GNL3: variants seen among roughly 807,000 people sequenced by gnomAD.
The protein encoded by GNL3 is G protein nucleolar 3.
Under a neutral mutation model 70.6 loss-of-function variants are expected in GNL3, and 77 were observed. The observed-to-expected ratio is 1.09, with a 90% CI of 0.91 to 1.32. The LOEUF is 1.32. Among genes scored for constraint, GNL3 ranks in the 40% most tolerant of loss-of-function variants. The probability of loss-of-function intolerance (pLI) is 0.00; values close to 1 mark genes in which losing one functional copy is unlikely to be tolerated. For missense variants in GNL3, 634 were observed against 644.0 expected (o/e 0.98, Z 0.17); for synonymous variants, 252 against 216.1 (o/e 1.17, Z -1.46).
chr3:52,691,948 G>A (rs1032584805), intron 9 of GNL3, among the ~76,000 whole-genome samples: 5 of 152,026 alleles, frequency 3.3e-5, no homozygotes, highest in Admixed American at 6.6e-5. Flanking sequence ...TGATCTGCCC[G>A]CCTCGGCCTC....
At chr3:52,692,842 C>G in intron 9 of GNL3, 30 bp from the exon 10 acceptor site, 1 of 1,572,840 alleles carries the variant, frequency 6.4e-7, no homozygotes, top group South Asian at 1.1e-5. Context: ...TAGACCAATG[C>G]CCCCATCAAT....
At position 52,693,798 on chromosome 3, in the gene GNL3, A is replaced by T. The variant is rs758944452; in HGVS notation, c.1491A>T (p.Glu497Asp). 2 of 1,613,246 alleles carry T rather than the reference A, an allele frequency of 1.2e-6. No individual in the cohort carries two copies. Among genetic ancestry groups the T allele is most frequent in the South Asian group, 1.1e-5 (1 of 91,044 alleles). Residue 497 changes from glutamate to aspartate, a missense_variant, in exon 13 of 15, where the codon GAA becomes GAT. Physicochemically the swap from Glu to Asp is conservative, Grantham distance 45. Coordinates refer to ENST00000418458, the MANE Select transcript of GNL3 (RefSeq NM_014366.5). ...ACAGTGACCAGGAAACTGTTGATGA[A>T]GAAGTTGATGTAAGTGTGTCCTCCA... is the stretch of plus-strand genomic sequence containing the variant. ...DKDSDQETVDEEVDENSSGMF... is the reference protein window; with the variant it reads ...DKDSDQETVDDEVDENSSGMF...
chr3:52,692,889 C>T lies in GNL3; in HGVS notation c.887C>T (p.Pro296Leu), dbSNP rs763216762. 1 of 1,612,678 alleles carries T rather than the reference C, an allele frequency of 6.2e-7. No homozygotes were observed. The highest frequency in any genetic ancestry group is 1.7e-5 in the Admixed American group (1 of 60,024). ...TCTTTCAGGAGCATGCAAGTTGTCCCCTTGGACAAACAGATCACAATCATA... is the reference window on the plus strand; with the variant it reads ...TCTTTCAGGAGCATGCAAGTTGTCCTCTTGGACAAACAGATCACAATCATA... ...MGLTRSMQVVPLDKQITIIDS... is the reference protein window; with the variant it reads ...MGLTRSMQVVLLDKQITIIDS... The change falls in exon 10 of 15, where the codon CCC becomes CTC. Residue 296 changes from proline (P) to leucine (L), a missense_variant. By Grantham distance (98) the Pro-to-Leu change is moderately conservative. Transcript: ENST00000418458.
chr3:52,693,412 T>C lies in GNL3; in HGVS notation c.1192T>C (p.Ser398Pro). Residue 398 changes from serine to proline, a missense_variant, in exon 12 of 15, where the codon TCA (serine) becomes CCA (proline). Transcript: ENST00000418458. ...KLLWSEWTGA[S>P]LAYYCHPPTS... ...ACATCTTATTTTTAATATCAGTGCC[T>C]CATTAGCTTACTATTGCCATCCCCC... 6.2e-7 allele frequency: 1 copy of C among 1,614,138 alleles called. No homozygotes were observed. The highest frequency in any genetic ancestry group is 2.2e-5 in the East Asian group (1 of 44,886).
chr3:52,689,420 AC>A, intron 6 of GNL3: 1 of 635,980 alleles, frequency 1.6e-6, no homozygotes, highest in East Asian at 3.0e-5. Context: ...TTCAGTATTT[AC>A]CATCTTTTAA....
intron 12 of GNL3, 29 bp downstream of exon 12, chr3:52,693,573 A>G: frequency 6.2e-7 from 1 of 1,614,104 alleles, no homozygotes; most frequent in Non-Finnish European, 8.5e-7. Context: ...TGCTGTCTTC[A>G]TCAGCTGACA....
intron 2 of GNL3, 152 bp from the exon 3 acceptor site, chr3:52,687,094 A>G: frequency 1.5e-6 from 1 of 675,014 alleles, no homozygotes; most frequent in Middle Eastern, 3.2e-4. Flanking sequence ...ATACTTACAT[A>G]TGCATTACTT....
intron 8 of GNL3, 187 bp downstream of exon 8, chr3:52,691,258 TAC>T (rs1261864826): frequency 2.1e-5 from 13 of 621,966 alleles, no homozygotes; most frequent in Admixed American, 3.1e-5. Flanking sequence ...GAAAAAAACT[TAC>T]ACAACTGCTG....
chr3:52,693,160 G>A, intron 10 of GNL3, 27 bp from the exon 11 acceptor site: 1 of 1,593,402 alleles, frequency 6.3e-7, no homozygotes, highest in Non-Finnish European at 8.5e-7. Flanking sequence ...ATGAAGGACA[G>A]CTCCTTTGTT....
At chr3:52,687,657 G>T in intron 4 of GNL3, 42 bp downstream of exon 4, 1 of 1,343,868 alleles carries the variant, frequency 7.4e-7, no homozygotes, top group South Asian at 1.2e-5. Flanking sequence ...CAGGGGTTTT[G>T]ATTTTGGTTT....
Position 52,691,056 on chromosome 3 carries a change from C to G in GNL3, c.766C>G (p.Arg256Gly), listed in dbSNP as rs903502136. Reference protein sequence around the residue: ...GFQETCSKAIRVGVIGFPNVG... With the variant: ...GFQETCSKAIGVGVIGFPNVG... ...TCAGGAAACTTGCAGCAAAGCCATT[C>G]GGGTTGGAGTAATTGGTGAGTTTCA... Residue 256 changes from arginine to glycine, a missense_variant, in exon 8 of 15, where the codon CGG becomes GGG. Arg to Gly is a moderately radical substitution (Grantham distance 125, BLOSUM62 -2). Transcript: ENST00000418458. 6.2e-7 allele frequency: 1 copy of G among 1,613,786 alleles called. No homozygotes were observed. The highest frequency in any genetic ancestry group is 8.5e-7 in the Non-Finnish European group (1 of 1,179,732).
intron 10 of GNL3, 59 bp downstream of exon 10, chr3:52,693,105 T>G: frequency 6.2e-7 from 1 of 1,600,194 alleles, no homozygotes; most frequent in South Asian, 1.1e-5. Context: ...ATAAGCATTT[T>G]GAGTAGAAAA....
At chr3:52,686,848 A>T in intron 2 of GNL3, 21 bp downstream of exon 2, 1 of 1,554,726 alleles carries the variant, frequency 6.4e-7, no homozygotes, top group Non-Finnish European at 8.9e-7. Flanking sequence ...TGCTTGAGAG[A>T]GCTGTACCAA....
intron 5 of GNL3, 154 bp from the exon 6 acceptor site, chr3:52,688,920 C>G: frequency 1.5e-6 from 1 of 661,652 alleles, no homozygotes; most frequent in Non-Finnish European, 2.7e-6. Context: ...ATTCTTCATA[C>G]CAAAGTGAAG....
intron 5 of GNL3, 118 bp from the exon 6 acceptor site, chr3:52,688,956 C>G: frequency 1.3e-6 from 1 of 788,402 alleles, no homozygotes; most frequent in South Asian, 1.6e-5. Context: ...CTGAGCTCAC[C>G]CTGTTGCTAA....
Position 52,686,811 on chromosome 3 carries a change from A to G in GNL3, c.56A>G (p.Tyr19Cys). 1.2e-6 allele frequency: 2 copies of G among 1,612,028 alleles called. No homozygotes were observed. The highest frequency in any genetic ancestry group is 1.3e-5 in the African/African-American group (1 of 75,024). Reference sequence around the variant, plus strand: ...AAACGCATGACCTGCCATAAGCGGTATAAAATCCAAAAAAAGGTAAGTGTA... The same window carrying G: ...AAACGCATGACCTGCCATAAGCGGTGTAAAATCCAAAAAAAGGTAAGTGTA... ...ASKRMTCHKR[Y>C]KIQKKVREHH... Residue 19 changes from tyrosine (Y) to cysteine (C), a missense_variant, in exon 2 of 15, where the codon TAT becomes TGT. Physicochemically the swap from Tyr to Cys is radical, Grantham distance 194 (BLOSUM62 -2). Transcript: ENST00000418458.
In GNL3 at chr3:52,692,896, C is replaced by A; in HGVS notation, c.894C>A (p.Asp298Glu). ...GGAGCATGCAAGTTGTCCCCTTGGA[C>A]AAACAGATCACAATCATAGATAGTC... Reference protein sequence around the residue: ...LTRSMQVVPLDKQITIIDSPS... With the variant: ...LTRSMQVVPLEKQITIIDSPS... Residue 298 changes from aspartate to glutamate, a missense_variant, in exon 10 of 15, where the codon GAC becomes GAA. By Grantham distance (45) the Asp-to-Glu change is conservative. Coordinates refer to ENST00000418458, the MANE Select transcript of GNL3 (RefSeq NM_014366.5). 1 of 1,613,302 alleles carries A rather than the reference C, an allele frequency of 6.2e-7. No individual in the cohort carries two copies. Among genetic ancestry groups the A allele is most frequent in the Non-Finnish European group, 8.5e-7 (1 of 1,179,420 alleles).
upstream of GNL3, chr3:52,686,003 G>A (rs987117660): frequency 2.6e-6 from 2 of 783,282 alleles, no homozygotes; most frequent in East Asian, 2.4e-5. Flanking sequence ...CGGCGGCAGC[G>A]TAAGTGCGTG....
In GNL3 at chr3:52,689,199, TA is replaced by T. The variant is rs1261399553; in HGVS notation, c.537del (p.Lys179AsnfsTer14). 12 of 1,613,350 alleles carry T rather than the reference TA, an allele frequency of 7.4e-6. No homozygotes were observed. The highest frequency in any genetic ancestry group is 1.0e-5 in the Non-Finnish European group (12 of 1,179,310). ...AGAAAAAGCTGGTACTTATATTAAA[TA>T]AATCAGGTGAGTAAAGAGGGTACCC... is the stretch of plus-strand genomic sequence containing the variant. The part of the protein sequence containing the change: ...GQKKLVLILN[K>X]SDLVPKENLE... On this transcript the variant is annotated frameshift_variant, in exon 6 of 15. Coordinates refer to ENST00000418458, the MANE Select transcript of GNL3 (RefSeq NM_014366.5). LOFTEE classifies it high-confidence loss of function.
Sources: gnomAD v4.1 joint callset for allele counts (sites outside exome capture counted in the v4.1 genomes callset) on GRCh38, gnomAD v4.1.1 for gene constraint, MANE v1.5 for transcripts, NCBI Gene and HGNC (gene_info 2026-07-23, HGNC 2026-07-21) for gene names.